The following KCND3 variants were observed in gnomAD, a reference collection of about 807,000 sequenced individuals.
The protein encoded by KCND3 is potassium voltage-gated channel subfamily D member 3.
KCND3 carries 9 observed loss-of-function variants against 51.1 expected under a neutral mutation model. That is an observed-to-expected ratio of 0.18 (90% confidence interval 0.11 to 0.31). KCND3 has a LOEUF of 0.31. Among genes scored for constraint, KCND3 ranks in the 10% least tolerant of loss-of-function variants. The probability of loss-of-function intolerance (pLI) is 1.00; values close to 1 mark genes in which losing one functional copy is unlikely to be tolerated. For missense variants in KCND3, 526 were observed against 903.8 expected (o/e 0.58, Z 5.36); for synonymous variants, 349 against 368.0 (o/e 0.95, Z 0.59).
chr1:111,908,483 C>T (rs189406715), intron 2 of KCND3, among the ~76,000 whole-genome samples: 6 of 152,306 alleles, frequency 3.9e-5, no homozygotes, highest in South Asian at 4.1e-4. Context: ...AGGAACAAAA[C>T]CTAGGGCTCT....
intron 2 of KCND3, among the ~76,000 whole-genome samples, chr1:111,813,629 T>G (rs775536703): frequency 1.3e-5 from 2 of 152,240 alleles, no homozygotes; most frequent in Non-Finnish European, 2.9e-5. Flanking sequence ...CCCACACACC[T>G]GTACCAGGTG....
intron 2 of KCND3, among the ~76,000 whole-genome samples, chr1:111,957,725 C>T (rs2101921848): frequency 6.6e-6 from 1 of 152,306 alleles, no homozygotes; most frequent in Non-Finnish European, 1.5e-5. Context: ...CAAACCATGG[C>T]TGTGGGCCAG....
At chr1:111,789,310 C>T (rs1055815829) in intron 2 of KCND3, among the ~76,000 whole-genome samples, 6 of 152,214 alleles carry the variant, frequency 3.9e-5, no homozygotes, top group Non-Finnish European at 8.8e-5. Flanking sequence ...CACTCCCAGG[C>T]GTCCTCTGCC....
At chr1:111,850,300 A>G (rs944534958) in intron 2 of KCND3, among the ~76,000 whole-genome samples, 1 of 152,120 alleles carries the variant, frequency 6.6e-6, no homozygotes, top group Non-Finnish European at 1.5e-5. Flanking sequence ...TAAGAATAGC[A>G]TCATCATCAG....
At chr1:111,978,364 G>A (rs1039731310) in intron 2 of KCND3, among the ~76,000 whole-genome samples, 1 of 152,228 alleles carries the variant, frequency 6.6e-6, no homozygotes, top group African/African-American at 2.4e-5. Flanking sequence ...GGGAGTGTCT[G>A]GAGAAAGGAA....
At chr1:111,924,321 C>A (rs1671602699) in intron 2 of KCND3, among the ~76,000 whole-genome samples, 1 of 152,220 alleles carries the variant, frequency 6.6e-6, no homozygotes, top group South Asian at 2.1e-4. Flanking sequence ...AAAGTGGTCT[C>A]TGAGCAATAA....
chr1:111,972,091 C>T (rs1674357253), intron 2 of KCND3, among the ~76,000 whole-genome samples: 1 of 152,114 alleles, frequency 6.6e-6, no homozygotes, highest in African/African-American at 2.4e-5. Flanking sequence ...ATTCCTTAGC[C>T]TAATATTTTA....
rs567253716 is a variant in KCND3, at chr1:111,964,299, A to G, written c.1106+17322T>C. On this transcript the variant is annotated intron_variant, in intron 2 of 7. Coordinates refer to ENST00000302127, the MANE Select transcript of KCND3 (RefSeq NM_001378969.1). ...GGGACGCTGAGAGCAGTAGGTGGGG[A>G]GGGGTGACTCCTGGGCAGGCTGAAG... 1.4e-4 allele frequency among the ~76,000 whole-genome samples: 21 copies of G among 152,198 alleles called. No homozygotes were observed. The South Asian group carries it at 4.4e-3, about 32-fold the overall frequency.
At chr1:111,950,632 G>A (rs1280390792) in intron 2 of KCND3, among the ~76,000 whole-genome samples, 1 of 152,214 alleles carries the variant, frequency 6.6e-6, no homozygotes. Flanking sequence ...GCAGATGAAG[G>A]AAATCTTAAG....
intron 2 of KCND3, among the ~76,000 whole-genome samples, chr1:111,876,028 G>A (rs1054240510): frequency 1.1e-4 from 17 of 152,162 alleles, no homozygotes; most frequent in African/African-American, 4.1e-4. Flanking sequence ...AGGCAGCAAA[G>A]ATCAGAAACA....
chr1:111,936,386 T>G, intron 2 of KCND3, among the ~76,000 whole-genome samples: 1 of 152,190 alleles, frequency 6.6e-6, no homozygotes, highest in East Asian at 1.9e-4. Context: ...TTGATCACAG[T>G]GCAGAAACAG....
At chr1:111,920,897 G>T (rs1449284327) in intron 2 of KCND3, among the ~76,000 whole-genome samples, 1 of 152,164 alleles carries the variant, frequency 6.6e-6, no homozygotes, top group Non-Finnish European at 1.5e-5. Context: ...CCCTCCCCTG[G>T]CCCCAGCAGG....
At chr1:111,838,839 C>G (rs1571719878) in intron 2 of KCND3, among the ~76,000 whole-genome samples, 1 of 152,106 alleles carries the variant, frequency 6.6e-6, no homozygotes, top group East Asian at 1.9e-4. Context: ...AATGGTTGTA[C>G]TATTGTCCAG....
chr1:111,827,476 G>T lies in KCND3; in HGVS notation c.1107-40370C>A, dbSNP rs369696453. ...CAGGACACTAAGCAGACAGAATTTT[G>T]TTACCTGCCTCCATCGCAAGTTAAG... On this transcript the variant is annotated intron_variant, in intron 2 of 7. Coordinates refer to ENST00000302127, the MANE Select transcript of KCND3 (RefSeq NM_001378969.1). Among the ~76,000 whole-genome samples the T allele has an allele frequency of 7.9e-5, 12 of 152,306 alleles. No individual in the cohort carries two copies. The East Asian group carries it at 1.9e-3, about 25-fold the overall frequency.
chr1:111,977,245 C>T (rs1250876488), intron 2 of KCND3, among the ~76,000 whole-genome samples: 1 of 152,132 alleles, frequency 6.6e-6, no homozygotes, highest in African/African-American at 2.4e-5. Flanking sequence ...TAAGGGTTAA[C>T]AAAAGCAGAT....
At chr1:111,885,479 TC>T (rs1669527821) in intron 2 of KCND3, among the ~76,000 whole-genome samples, 1 of 152,200 alleles carries the variant, frequency 6.6e-6, no homozygotes, top group Non-Finnish European at 1.5e-5. Flanking sequence ...CACTACACAT[TC>T]CCATTTGTGT....
Position 111,981,747 on chromosome 1 carries a change from G to A in KCND3, c.980C>T (p.Ser327Phe). 6.2e-7 allele frequency: 1 copy of A among 1,614,172 alleles called. No homozygotes were observed. Among genetic ancestry groups the A allele is most frequent in the Non-Finnish European group, 8.5e-7 (1 of 1,180,030 alleles). Residue 327 changes from serine (S) to phenylalanine (F), a missense_variant, in exon 2 of 8, where the codon TCC becomes TTC. Ser to Phe is a radical substitution (Grantham distance 155). Around this residue, in one of 5 missense-constraint regions of KCND3, gnomAD observed 48 missense variants for 228.5 expected, o/e 0.21. Transcript: ENST00000302127. The surrounding 1 kb of genome is among the most constrained non-coding windows in gnomAD (Gnocchi z 6.2). ...CASELGFLLFSLTMAIIIFAT... is the reference protein window; with the variant it reads ...CASELGFLLFFLTMAIIIFAT... The stretch of plus-strand genomic sequence containing the variant: ...AAAGATGATGATGGCCATGGTGAGG[G>A]AGAAGAGAAGAAAGCCCAGTTCGGA...
chr1:111,846,359 CTG>C (rs1667548226), intron 2 of KCND3, among the ~76,000 whole-genome samples: 1 of 152,200 alleles, frequency 6.6e-6, no homozygotes, highest in African/African-American at 2.4e-5. Context: ...GAGCTCTTCC[CTG>C]ATGTTACTTT....
intron 2 of KCND3, among the ~76,000 whole-genome samples, chr1:111,857,704 C>A (rs374500141): frequency 6.6e-6 from 1 of 150,972 alleles, no homozygotes; most frequent in East Asian, 2.0e-4. Context: ...TCCTCCCCAG[C>A]GCCAGGTGAA....
Sources: allele counts gnomAD v4.1 joint callset (sites outside exome capture counted in the v4.1 genomes callset), GRCh38; gene constraint gnomAD v4.1.1; regional missense constraint gnomAD v4.1.1; non-coding constraint Gnocchi (gnomAD v3.1); transcripts MANE v1.5; gene names NCBI Gene and HGNC (gene_info 2026-07-23, HGNC 2026-07-21).